ZBBX: variants seen among roughly 807,000 people sequenced by gnomAD.
The protein encoded by ZBBX is zinc finger B-box domain containing, also known as zinc finger B-box domain-containing protein 1.
A neutral mutation model predicts 108.5 loss-of-function variants in ZBBX; 101 were observed. The ratio of observed to expected loss-of-function variants is 0.93; its 90% CI spans 0.79 to 1.10. The LOEUF (loss-of-function observed/expected upper bound fraction) is 1.10, where lower values mean the gene tolerates loss of function less well. Ranked by LOEUF, ZBBX falls within the 50% of genes least tolerant of loss-of-function variation. The pLI is 0.00. For synonymous variants in ZBBX, 356 were observed against 323.4 expected (o/e 1.10, Z -1.08); for missense variants, 1,009 against 941.4 (o/e 1.07, Z -0.94).
the ZBBX span, among the ~76,000 whole-genome samples, chr3:167,203,531 CAAAT>C: frequency 2.6e-5 from 4 of 152,080 alleles, no homozygotes; most frequent in African/African-American, 9.6e-5. Context: ...AGTTAACAAA[CAAAT>C]AAGTAGGTTA....
In ZBBX at chr3:167,404,498, G is replaced by A. The variant is rs114611149; in HGVS notation, c.-446+3228C>T. 3.5e-3 allele frequency among the ~76,000 whole-genome samples: 522 copies of A among 150,752 alleles called. 2 individuals are homozygous for A. The highest frequency in any genetic ancestry group is 0.012 in the African/African-American group (482 of 40,600). On this transcript the variant is annotated intron_variant, in intron 1 of 21. Coordinates refer to the ZBBX transcript ENST00000455345. The stretch of plus-strand genomic sequence containing the variant: ...TTTTATTTGGGTGATGTCAGCTGGA[G>A]AGGTGGGAGGCAAACCCTAAATCCA...
intron 9 of ZBBX, among the ~76,000 whole-genome samples, chr3:167,348,347 AGAAAGAAAGAAAGAAAGAAAG>A (rs1347563734): frequency 1.7e-5 from 2 of 116,062 alleles, no homozygotes; most frequent in African/African-American, 6.8e-5. Flanking sequence ...AAAGAAAGAA[AGAAAGAAAGAAAGAAAGAAAG>A]AAAAAAAAGA....
intron 4 of ZBBX, 94 bp downstream of exon 4, chr3:167,372,740 A>G: frequency 1.6e-6 from 1 of 608,388 alleles, no homozygotes; most frequent in Non-Finnish European, 2.9e-6. Flanking sequence ...AGGAATGTGA[A>G]AAATGAAGAT....
At chr3:167,285,830 A>G (rs1729593868) in intron 19 of ZBBX, among the ~76,000 whole-genome samples, 1 of 152,046 alleles carries the variant, frequency 6.6e-6, no homozygotes, top group African/African-American at 2.4e-5. Context: ...CTACTAGCCT[A>G]CTCTACTAAT....
intron 20 of ZBBX, among the ~76,000 whole-genome samples, chr3:167,252,589 G>GA (rs57589258): frequency 0.76 from 108,429 of 143,468 alleles, 40,678 homozygotes; most frequent in East Asian, 0.88. Flanking sequence ...CTTCCCAACA[G>GA]AAAAAAAAAA....
chr3:167,330,674 T>C (rs1298918665), intron 10 of ZBBX, among the ~76,000 whole-genome samples: 1 of 148,730 alleles, frequency 6.7e-6, no homozygotes, highest in African/African-American at 2.6e-5. Flanking sequence ...GAAGGAATGT[T>C]TGAGCATGGG....
intron 10 of ZBBX, among the ~76,000 whole-genome samples, chr3:167,330,780 G>T (rs990122076): frequency 5.1e-5 from 4 of 78,686 alleles, no homozygotes; most frequent in Non-Finnish European, 7.7e-5. Context: ...AAGAAGAAAA[G>T]GAGAAGAAGA....
intron 20 of ZBBX, among the ~76,000 whole-genome samples, chr3:167,275,798 G>C (rs1431704481): frequency 1.3e-5 from 2 of 152,216 alleles, no homozygotes; most frequent in African/African-American, 4.8e-5. Context: ...AGGCCTGCCT[G>C]CCTCTGTAGG....
At chr3:167,283,313 G>T (rs947040413) in intron 19 of ZBBX, among the ~76,000 whole-genome samples, 3 of 152,030 alleles carry the variant, frequency 2.0e-5, no homozygotes, top group Non-Finnish European at 4.4e-5. Flanking sequence ...ACTTAATAAG[G>T]CCAAGACAGT....
At chr3:167,208,667 G>A in the ZBBX span, among the ~76,000 whole-genome samples, 54 of 152,300 alleles carry the variant, frequency 3.5e-4, no homozygotes, top group East Asian at 1.3e-3. Flanking sequence ...TCATAGCCAC[G>A]GATTACTTCC....
intron 9 of ZBBX, among the ~76,000 whole-genome samples, chr3:167,337,769 A>G (rs1020898845): frequency 1.3e-5 from 2 of 152,174 alleles, no homozygotes; most frequent in Admixed American, 6.5e-5. Context: ...TAATATAACA[A>G]TAATCATTTT....
the ZBBX span, among the ~76,000 whole-genome samples, chr3:167,223,294 G>T: frequency 6.6e-6 from 1 of 151,776 alleles, no homozygotes; most frequent in African/African-American, 2.4e-5. Flanking sequence ...TGAAGTGAAG[G>T]TCTTATTTCT....
intron 20 of ZBBX, among the ~76,000 whole-genome samples, chr3:167,266,609 C>A (rs1725539907): frequency 6.6e-6 from 1 of 152,126 alleles, no homozygotes. Context: ...GCGGTCCAAC[C>A]CCAGCCCACG....
In ZBBX at chr3:167,310,782, G is replaced by A. The variant is rs932459736; in HGVS notation, c.1417+3192C>T. ...ACAGAGCCAAGCCATATCATAGATA[G>A]AAATCTAAAAATTATATACAAGATC... On this transcript the variant is annotated intron_variant, in intron 16 of 21. Coordinates refer to ENST00000675490, the MANE Select transcript of ZBBX (RefSeq NM_001199201.2). Among the ~76,000 whole-genome samples the A allele has an allele frequency of 1.7e-4, 26 of 152,074 alleles. 1 individual carries two copies. The highest frequency in any genetic ancestry group is 1.4e-3 in the Admixed American group (21 of 15,258).
chr3:167,191,928 T>G, the ZBBX span, among the ~76,000 whole-genome samples: 29,251 of 125,752 alleles, frequency 0.23, 4,626 homozygotes, highest in Non-Finnish European at 0.27. Context: ...TATATATATA[T>G]ATATATAGAG....
chr3:167,368,984 A>G (rs1560193745), intron 4 of ZBBX, among the ~76,000 whole-genome samples: 1 of 152,094 alleles, frequency 6.6e-6, no homozygotes, highest in African/African-American at 2.4e-5. Context: ...CGAAATATAC[A>G]TTTTTGCTGA....
chr3:167,255,268 C>G (rs1449549956), intron 20 of ZBBX, among the ~76,000 whole-genome samples: 7 of 151,940 alleles, frequency 4.6e-5, no homozygotes, highest in Admixed American at 4.6e-4. Flanking sequence ...GGAAAGGAAA[C>G]TGTGACCTAC....
At chr3:167,407,372 C>G (rs1249248354) in intron 1 of ZBBX, among the ~76,000 whole-genome samples, 2 of 151,916 alleles carry the variant, frequency 1.3e-5, no homozygotes, top group Non-Finnish European at 2.9e-5. Context: ...GTTGGAGAAA[C>G]AAAAATAGGT....
At chr3:167,251,622 C>T (rs1722620774) in intron 20 of ZBBX, among the ~76,000 whole-genome samples, 1 of 152,108 alleles carries the variant, frequency 6.6e-6, no homozygotes, top group African/African-American at 2.4e-5. Flanking sequence ...TGAGGACTTA[C>T]TATGTGCTAG....
Sources: gnomAD v4.1 joint callset for allele counts (sites outside exome capture counted in the v4.1 genomes callset) on GRCh38, gnomAD v4.1.1 for gene constraint, MANE v1.5 for transcripts, NCBI Gene and HGNC (gene_info 2026-07-23, HGNC 2026-07-21) for gene names.